UGT2B15: variants seen among roughly 807,000 people sequenced by gnomAD.
UGT2B15 encodes UDP glucuronosyltransferase family 2 member B15, also known as UDP-glucuronosyltransferase 2B15.
In UGT2B15, 36 loss-of-function variants were observed where a neutral mutation model predicts 45.9. That is an observed-to-expected ratio of 0.78 (90% CI 0.60 to 1.04). The LOEUF (loss-of-function observed/expected upper bound fraction) is 1.04, where lower values mean the gene tolerates loss of function less well. Ranked by LOEUF, UGT2B15 falls within the 50% of genes least tolerant of loss-of-function variation. The pLI is 0.00. For missense variants in UGT2B15, 617 were observed against 622.4 expected (o/e 0.99, Z 0.09); for synonymous variants, 219 against 216.4 (o/e 1.01, Z -0.11).
At chr4:68,648,815 T>C (rs1299014518) in intron 5 of UGT2B15, among the ~76,000 whole-genome samples, 1 of 152,086 alleles carries the variant, frequency 6.6e-6, no homozygotes, top group African/African-American at 2.4e-5. Flanking sequence ...AAATAATACA[T>C]ATTCATTTCT....
intron 5 of UGT2B15, among the ~76,000 whole-genome samples, chr4:68,649,137 C>G (rs373831365): frequency 1.3e-5 from 2 of 151,520 alleles, no homozygotes; most frequent in Non-Finnish European, 2.9e-5. Context: ...TTTCAGTTAT[C>G]GTTTTTGGAT....
Position 68,654,154 on chromosome 4 carries a change from T to C in UGT2B15, c.1196A>G (p.Asp399Gly), listed in dbSNP as rs1732735354. Residue 399 changes from aspartate to glycine, a missense_variant, in exon 5 of 6, where the codon GAT (aspartate) becomes GGT (glycine). Physicochemically the swap from Asp to Gly is moderately conservative, Grantham distance 94. Around this residue, in one of 3 missense-constraint regions of UGT2B15, gnomAD observed 265 missense variants for 245.1 expected, o/e 1.08. Transcript: ENST00000338206. The part of the protein sequence containing the change: ...IPMVGIPLFA[D>G]QHDNIAHMKA... ...CATGTGAGCAATGTTATCATGTTGATCCGCAAACAAGGGAATGCCCACCAT... is the reference window on the plus strand; with the variant it reads ...CATGTGAGCAATGTTATCATGTTGACCCGCAAACAAGGGAATGCCCACCAT... 2.5e-6 allele frequency: 4 copies of C among 1,613,546 alleles called. No individual in the cohort carries two copies. The highest frequency in any genetic ancestry group is 2.2e-5 in the South Asian group (2 of 91,082).
intron 3 of UGT2B15, among the ~76,000 whole-genome samples, chr4:68,657,545 A>G (rs1732843405): frequency 6.6e-6 from 1 of 152,100 alleles, no homozygotes; most frequent in Non-Finnish European, 1.5e-5. Flanking sequence ...TAATCTAAGA[A>G]TGATGAGAAA....
At chr4:68,649,273 C>CTTTTTTTTTTTTTT (rs71218976) in intron 5 of UGT2B15, among the ~76,000 whole-genome samples, 1 of 93,260 alleles carries the variant, frequency 1.1e-5, no homozygotes, top group African/African-American at 4.1e-5. Context: ...TTCATATAAT[C>CTTTTTTTTTTTTTT]TTTTTTTTTT....
intron 5 of UGT2B15, among the ~76,000 whole-genome samples, chr4:68,647,699 G>A (rs1732523060): frequency 6.6e-6 from 1 of 151,940 alleles, no homozygotes; most frequent in South Asian, 2.1e-4. Context: ...ATTTGAGAAT[G>A]ATCTTTTTGA....
chr4:68,665,369 A>G (rs1400379823), intron 2 of UGT2B15, among the ~76,000 whole-genome samples: 1 of 152,168 alleles, frequency 6.6e-6, no homozygotes, highest in African/African-American at 2.4e-5. Context: ...ACCACGGCTG[A>G]CAGTGTAATT....
rs543974172 is a variant in UGT2B15, at chr4:68,661,152, A to AT, written c.1005+1855dup. On this transcript the variant is annotated intron_variant, in intron 3 of 5. Coordinates refer to ENST00000338206, the MANE Select transcript of UGT2B15 (RefSeq NM_001076.4). ...TCTTCTAAAATGCTTTCTCCAAAAG[A>AT]TTTTTTTTAAATGTAAAAGGAAAAT... Among the ~76,000 whole-genome samples the AT allele has an allele frequency of 6.1e-4, 93 of 151,940 alleles. 1 individual carries two copies. The South Asian group carries it at 0.016, about 26-fold the overall frequency.
chr4:68,660,562 G>C (rs1732933506), intron 3 of UGT2B15, among the ~76,000 whole-genome samples: 1 of 151,456 alleles, frequency 6.6e-6, no homozygotes, highest in Non-Finnish European at 1.5e-5. Flanking sequence ...CAAATCAGTT[G>C]TACCATGGTT....
In UGT2B15 at chr4:68,654,770, A is replaced by G. The variant is rs545823867; in HGVS notation, c.1093+325T>C. On this transcript the variant is annotated intron_variant, in intron 4 of 5. Coordinates refer to ENST00000338206, the MANE Select transcript of UGT2B15 (RefSeq NM_001076.4). ...GTGCCTGTTGAAATAACCCTGCAGT[A>G]GGGGAAAGAACAGAGGTAAAGCTGC... Among the ~76,000 whole-genome samples the G allele has an allele frequency of 7.9e-5, 12 of 152,070 alleles. No homozygotes were observed. In the East Asian group the frequency reaches 2.3e-3, roughly 29 times the overall value.
rs2109815252 is a variant in UGT2B15 at position 68,646,992 on chromosome 4, T to C, written c.*112A>G. ...AATTTTGTCTTAACAAGGTAAGTTG[T>C]GAAAAGATGTTTTGTCACAGGAAAA... On this transcript the variant is annotated 3_prime_UTR_variant, in exon 6 of 6. Transcript: ENST00000338206. 1 of 1,484,006 alleles carries C rather than the reference T, an allele frequency of 6.7e-7. No homozygotes were observed. Among genetic ancestry groups the C allele is most frequent in the South Asian group, 1.4e-5 (1 of 71,878 alleles). The allele number at this position is 1,484,006 out of a possible 1,614,324, so 91.9% of individuals were successfully genotyped here. A position where few individuals can be genotyped will look rare whatever the true frequency, so the allele number is the denominator to read the frequency against.
In UGT2B15 at chr4:68,648,546, A is replaced by G. The variant is rs1380081550; in HGVS notation, c.1314-1163T>C. On this transcript the variant is annotated intron_variant, in intron 5 of 5. Coordinates refer to ENST00000338206, the MANE Select transcript of UGT2B15 (RefSeq NM_001076.4). The stretch of plus-strand genomic sequence containing the variant: ...CTTACTTTGCTATTTGATTTCTGGA[A>G]CTTTAAAATATGTTGTATATCTTCT... Among the ~76,000 whole-genome samples, 4 of 152,192 alleles carry G rather than the reference A, an allele frequency of 2.6e-5. No individual in the cohort carries two copies. In the East Asian group the frequency reaches 7.7e-4, roughly 29 times the overall value.
rs1416709873 is a variant in UGT2B15, at chr4:68,668,158, C to T, written c.755G>A (p.Gly252Glu). The change falls in exon 2 of 6, where the codon GGG becomes GAG. Residue 252 changes from glycine (G) to glutamate (E), a missense_variant. This residue lies in a region of UGT2B15 where 351 missense variants were observed against 342.1 expected (regional missense o/e 1.03). Coordinates refer to ENST00000338206, the MANE Select transcript of UGT2B15 (RefSeq NM_001076.4). The stretch of plus-strand genomic sequence containing the variant: ...TCGAATGAGCCACATTTCAGCTTTC[C>T]CCATTGTCTCAAATAATGTAGTGGG... The part of the protein sequence containing the change: ...GRPTTLFETM[G>E]KAEMWLIRTY... The T allele has an allele frequency of 5.6e-6, 9 of 1,613,214 alleles. No individual in the cohort carries two copies. The highest frequency in any genetic ancestry group is 1.1e-5 in the South Asian group (1 of 91,010).
Position 68,654,047 on chromosome 4 carries a change from T to C in UGT2B15, c.1303A>G (p.Asn435Asp). The C allele has an allele frequency of 6.2e-7, 1 of 1,613,334 alleles. No homozygotes were observed. Among genetic ancestry groups the C allele is most frequent in the East Asian group, 2.2e-5 (1 of 44,878 alleles). Reference sequence around the variant, plus strand: ...AACTGTAATACTCACACAGGGTCATTAATGACTGACTTCAATGCATTGAGC... The same window carrying C: ...AACTGTAATACTCACACAGGGTCATCAATGACTGACTTCAATGCATTGAGC... ...DLLNALKSVI[N>D]DPVYKENVMK... Residue 435 changes from asparagine (N) to aspartate (D), a missense_variant, in exon 5 of 6, where the codon AAT (asparagine) becomes GAT (aspartate). Physicochemically the swap from Asn to Asp is conservative, Grantham distance 23. Coordinates refer to ENST00000338206, the MANE Select transcript of UGT2B15 (RefSeq NM_001076.4).
chr4:68,657,823 T>A (rs191820351), intron 3 of UGT2B15, among the ~76,000 whole-genome samples: 1 of 152,288 alleles, frequency 6.6e-6, no homozygotes, highest in African/African-American at 2.4e-5. Flanking sequence ...CAATTTTTTT[T>A]ATCTCATGGC....
In UGT2B15 at chr4:68,670,098, C is replaced by T. The variant is rs377015117; in HGVS notation, c.521G>A (p.Arg174Gln). The change falls in exon 1 of 6, where the codon CGA becomes CAA. Residue 174 changes from arginine (R) to glutamine (Q), a missense_variant. Arg to Gln is a conservative substitution (Grantham distance 43). Around this residue, in one of 3 missense-constraint regions of UGT2B15, gnomAD observed 351 missense variants for 342.1 expected, o/e 1.03. Coordinates refer to ENST00000338206, the MANE Select transcript of UGT2B15 (RefSeq NM_001076.4). The stretch of plus-strand genomic sequence containing the variant: ...CTCAAATGTGTAGCCAACAGAGAAT[C>T]GAAGACTGTACAGAAAGGGTATGTT... The part of the protein sequence containing the change: ...LFNIPFLYSL[R>Q]FSVGYTFEKN... 2.5e-5 allele frequency: 41 copies of T among 1,613,908 alleles called. No homozygotes were observed. The highest frequency in any genetic ancestry group is 1.6e-4 in the Middle Eastern group (1 of 6,084).
chr4:68,664,304 TG>T (rs1237684319), intron 2 of UGT2B15, among the ~76,000 whole-genome samples: 1 of 149,076 alleles, frequency 6.7e-6, no homozygotes, highest in Non-Finnish European at 1.5e-5. Context: ...GGAAAAGAAA[TG>T]TAGACCCATA....
At position 68,662,995 on chromosome 4, in the gene UGT2B15, C is replaced by A; in HGVS notation, c.1005+13G>T. 1 of 1,407,792 alleles carries A rather than the reference C, an allele frequency of 7.1e-7. No homozygotes were observed. Among genetic ancestry groups the A allele is most frequent in the Non-Finnish European group, 9.7e-7 (1 of 1,033,716 alleles). 87.2% of individuals were successfully genotyped at this position (1,407,792 alleles called of 1,614,324 possible). ...ATTTAGTAGCCATCCACAGTTAAGG[C>A]ACTTTATCTAACCTTTTGTGGGATC... On this transcript the variant is annotated intron_variant, in intron 3 of 5. Coordinates refer to ENST00000338206, the MANE Select transcript of UGT2B15 (RefSeq NM_001076.4).
At position 68,670,189 on chromosome 4, in the gene UGT2B15, A is replaced by T. The variant is rs1283137588; in HGVS notation, c.430T>A (p.Ser144Thr). 3 of 1,613,868 alleles carry T rather than the reference A, an allele frequency of 1.9e-6. No individual in the cohort carries two copies. The highest frequency in any genetic ancestry group is 8.5e-7 in the Non-Finnish European group (1 of 1,179,942). The change falls in exon 1 of 6, where the codon TCA becomes ACA. Residue 144 changes from serine (S) to threonine (T), a missense_variant. Around this residue, in one of 3 missense-constraint regions of UGT2B15, gnomAD observed 351 missense variants for 342.1 expected, o/e 1.03. Transcript: ENST00000338206. ...NKKLMMKLQE[S>T]KFDVILADAL... ...TCTGCCAGAATGACATCAAACTTTG[A>T]CTCTTGTAGTTTCATCATAAGTTTC...
At chr4:68,667,336 T>G (rs925394772) in intron 2 of UGT2B15, among the ~76,000 whole-genome samples, 46 of 151,850 alleles carry the variant, frequency 3.0e-4, no homozygotes, top group African/African-American at 6.8e-4. Flanking sequence ...TGCCTGGCTA[T>G]TATTTTATTT....
Sources: allele counts gnomAD v4.1 joint callset (sites outside exome capture counted in the v4.1 genomes callset), GRCh38; gene constraint gnomAD v4.1.1; regional missense constraint gnomAD v4.1.1; transcripts MANE v1.5; gene names NCBI Gene and HGNC (gene_info 2026-07-23, HGNC 2026-07-21).